RPA3: variants seen among roughly 807,000 people sequenced by gnomAD.
The protein encoded by RPA3 is replication protein A3, also known as replication protein A 14 kDa subunit.
RPA3 carries 24 observed loss-of-function variants against 13.7 expected under a neutral mutation model. The ratio of observed to expected loss-of-function variants is 1.75; its 90% CI spans 1.27 to 2.46. The LOEUF (loss-of-function observed/expected upper bound fraction) is 2.46, where lower values mean the gene tolerates loss of function less well. Among genes scored for constraint, RPA3 ranks in the 30% most tolerant of loss-of-function variants. RPA3 has a pLI of 0.00. For synonymous variants in RPA3, 59 were observed against 51.2 expected (o/e 1.15, Z -0.65); for missense variants, 183 against 151.0 (o/e 1.21, Z -1.11).
rs550293743 is a variant in RPA3 at position 7,687,529 on chromosome 7, G to T, written c.-1027-201C>A. Among the ~76,000 whole-genome samples, 9 of 152,298 alleles carry T rather than the reference G, an allele frequency of 5.9e-5. No homozygotes were observed. In the South Asian group the frequency reaches 1.0e-3, roughly 18 times the overall value. ...CACATATAGGCCTTCCCTCAACTCA[G>T]ACTGGAAGGCCGATCTATGCTTATA... On this transcript the variant is annotated intron_variant, in intron 2 of 7. Coordinates refer to ENST00000223129, the MANE Select transcript of RPA3 (RefSeq NM_002947.5).
intron 4 of RPA3, among the ~76,000 whole-genome samples, chr7:7,664,696 A>T (rs980319879): frequency 3.9e-5 from 6 of 152,176 alleles, no homozygotes; most frequent in Non-Finnish European, 8.8e-5. Flanking sequence ...TGCGCAGCCT[A>T]CCAGAGTTCT....
At chr7:7,675,711 C>T (rs1583721501) in intron 4 of RPA3, among the ~76,000 whole-genome samples, 2 of 152,160 alleles carry the variant, frequency 1.3e-5, no homozygotes, top group African/African-American at 2.4e-5. Flanking sequence ...TAATTGGTGT[C>T]GTACCCAGCA....
chr7:7,647,580 T>C (rs1376704954), intron 4 of RPA3, among the ~76,000 whole-genome samples: 1 of 152,200 alleles, frequency 6.6e-6, no homozygotes, highest in East Asian at 1.9e-4. Context: ...GTCAAATTTC[T>C]CCTTGAAGCC....
chr7:7,663,328 AAG>A (rs1381820391), intron 4 of RPA3, among the ~76,000 whole-genome samples: 1 of 145,990 alleles, frequency 6.8e-6, no homozygotes, highest in African/African-American at 2.5e-5. Flanking sequence ...GAGCATAAAT[AAG>A]AGAGGTGGAA....
Position 7,640,483 on chromosome 7 carries a change from G to C in RPA3, c.-65C>G. On this transcript the variant is annotated 5_prime_UTR_variant, in exon 5 of 8. Transcript: ENST00000223129. ...ACGACTGAAACTGTGCGCCCCGCGG[G>C]TGTCTATGGGGCAGATTTCTCGGCA... 1.4e-6 allele frequency: 2 copies of C among 1,464,552 alleles called. No individual in the cohort carries two copies. Among genetic ancestry groups the C allele is most frequent in the Admixed American group, 3.4e-5 (2 of 59,430 alleles). The allele number at this position is 1,464,552 out of a possible 1,614,324, so 90.7% of individuals were successfully genotyped here. A position where few individuals can be genotyped will look rare whatever the true frequency, so the allele number is the denominator to read the frequency against.
chr7:7,694,820 C>T (rs1583745667), intron 2 of RPA3, among the ~76,000 whole-genome samples: 1 of 152,190 alleles, frequency 6.6e-6, no homozygotes, highest in Non-Finnish European at 1.5e-5. Context: ...CAAATCTTAG[C>T]TATTGTGAAT....
intron 4 of RPA3, among the ~76,000 whole-genome samples, chr7:7,669,132 G>A (rs1018173917): frequency 1.3e-5 from 2 of 152,012 alleles, no homozygotes; most frequent in Non-Finnish European, 2.9e-5. Flanking sequence ...CATTACTTGG[G>A]GGAACCTTTT....
chr7:7,701,432 A>G (rs904350042), intron 2 of RPA3, among the ~76,000 whole-genome samples: 3 of 152,184 alleles, frequency 2.0e-5, no homozygotes, highest in Non-Finnish European at 4.4e-5. Context: ...TAATACTGGA[A>G]CTGTCCTGCT....
intron 4 of RPA3, among the ~76,000 whole-genome samples, chr7:7,663,729 AT>A (rs1785533938): frequency 6.6e-6 from 1 of 152,220 alleles, no homozygotes; most frequent in African/African-American, 2.4e-5. Context: ...GGAATGTAAA[AT>A]TTATAAATGG....
chr7:7,656,818 G>C (rs1785355090), intron 4 of RPA3, among the ~76,000 whole-genome samples: 1 of 152,124 alleles, frequency 6.6e-6, no homozygotes, highest in Non-Finnish European at 1.5e-5. Context: ...ATAATCCTTT[G>C]GGTATATACC....
At chr7:7,644,002 C>G (rs901756465) in intron 4 of RPA3, among the ~76,000 whole-genome samples, 2 of 152,092 alleles carry the variant, frequency 1.3e-5, no homozygotes, top group African/African-American at 4.8e-5. Context: ...TAACTTGGAT[C>G]TCTGCCACTA....
intron 2 of RPA3, among the ~76,000 whole-genome samples, chr7:7,687,663 G>T (rs996886127): frequency 6.6e-6 from 1 of 152,264 alleles, no homozygotes; most frequent in African/African-American, 2.4e-5. Context: ...AACTCTGGTT[G>T]TCAGTTAAAT....
rs1440295145 is a variant in RPA3 at position 7,676,120 on chromosome 7, C to T, written c.-758+9710G>A. 7.5e-6 allele frequency: 3 copies of T among 398,530 alleles called. No homozygotes were observed. In the East Asian group the frequency reaches 1.1e-4, roughly 14 times the overall value. The allele number at this position is 398,530 out of a possible 1,614,324, so 24.7% of individuals were successfully genotyped here. A position where few individuals can be genotyped will look rare whatever the true frequency, so the allele number is the denominator to read the frequency against. ...TCCGCAGAAGCATCTCAGAGGCTCT[C>T]CAGTGACGTGCTGTTAAAAGTGCTG... On this transcript the variant is annotated intron_variant, in intron 4 of 7. Transcript: ENST00000223129.
At position 7,640,366 on chromosome 7, in the gene RPA3, G is replaced by A. The variant is rs1291650975; in HGVS notation, c.53C>T (p.Ala18Val). 3 of 1,614,084 alleles carry A rather than the reference G, an allele frequency of 1.9e-6. No homozygotes were observed. The highest frequency in any genetic ancestry group is 2.5e-6 in the Non-Finnish European group (3 of 1,180,026). ...PRSRINAGML[A>V]QFIDKPVCFV... is the part of the protein sequence containing the mutation. ...GCAGACAGGCTTGTCGATGAATTGA[G>A]CTAGCATGCCGGCGTTGATGCGCGA... Residue 18 changes from alanine to valine, a missense_variant, in exon 5 of 8, where the codon GCT becomes GTT. By Grantham distance (64) the Ala-to-Val change is moderately conservative. Transcript: ENST00000223129.
chr7:7,636,874 T>C lies in RPA3; in HGVS notation c.*126A>G. 1.4e-6 allele frequency: 1 copy of C among 733,502 alleles called. No homozygotes were observed. Among genetic ancestry groups the C allele is most frequent in the Non-Finnish European group, 2.3e-6 (1 of 425,822 alleles). 45.4% of individuals were successfully genotyped at this position (733,502 alleles called of 1,614,324 possible). A position where few individuals can be genotyped will look rare whatever the true frequency, so the allele number is the denominator to read the frequency against. ...TATCAGTTCCATCAAAAACTCTAGG[T>C]TGGAATATCTTAAAAACAGCAAATT... On this transcript the variant is annotated 3_prime_UTR_variant, in exon 8 of 8. Transcript: ENST00000223129.
chr7:7,690,355 A>G (rs1280691786), intron 2 of RPA3, among the ~76,000 whole-genome samples: 2 of 152,138 alleles, frequency 1.3e-5, no homozygotes, highest in Non-Finnish European at 2.9e-5. Context: ...CCAAATTTCT[A>G]GTTACAAAAT....
chr7:7,665,637 C>G (rs1779424341), intron 4 of RPA3, among the ~76,000 whole-genome samples: 1 of 152,146 alleles, frequency 6.6e-6, no homozygotes, highest in South Asian at 2.1e-4. Context: ...ACATACCCAT[C>G]ACTTCCAAGA....
chr7:7,708,933 G>A (rs1171541388), intron 2 of RPA3, among the ~76,000 whole-genome samples: 2 of 151,988 alleles, frequency 1.3e-5, no homozygotes, highest in African/African-American at 2.4e-5. Context: ...GTGTCTGTGT[G>A]TGTGTGAGAG....
At chr7:7,649,347 T>C (rs1785170135) in intron 4 of RPA3, among the ~76,000 whole-genome samples, 1 of 152,032 alleles carries the variant, frequency 6.6e-6, no homozygotes, top group Non-Finnish European at 1.5e-5. Context: ...ATGCTTTTTT[T>C]CAGGAAACTA....
Sources: gnomAD v4.1 joint callset for allele counts (sites outside exome capture counted in the v4.1 genomes callset) on GRCh38, gnomAD v4.1.1 for gene constraint, MANE v1.5 for transcripts, NCBI Gene and HGNC (gene_info 2026-07-23, HGNC 2026-07-21) for gene names.